The following GM2A variants were observed in gnomAD, a reference collection of about 807,000 sequenced individuals.
The protein encoded by GM2A is GM2 ganglioside activator.
GM2A carries 7 observed loss-of-function variants against 12.9 expected under a neutral mutation model. That is an observed-to-expected ratio of 0.54 (90% CI 0.31 to 1.02). The LOEUF is 1.02. Ranked by LOEUF, GM2A falls within the 50% of genes least tolerant of loss-of-function variation. The pLI is 0.05. For synonymous variants in GM2A, 101 were observed against 96.0 expected, an observed-to-expected ratio of 1.05 and a Z score of -0.30; for missense variants, 246 against 241.0, an observed-to-expected ratio of 1.02 and a Z score of -0.14.
At position 151,267,678 on chromosome 5, in the gene GM2A, A is replaced by G. The variant is rs989; in HGVS notation, c.*227A>G. 0.37 allele frequency: 543,729 copies of G among 1,476,880 alleles called. 103,124 individuals carry two copies. The highest frequency in any genetic ancestry group is 0.52 in the African/African-American group (37,568 of 71,708). 91.5% of individuals were successfully genotyped at this position (1,476,880 alleles called of 1,614,324 possible). On this transcript the variant is annotated 3_prime_UTR_variant, in exon 4 of 4. Coordinates refer to ENST00000357164, the MANE Select transcript of GM2A (RefSeq NM_000405.5). ...TGGACAGTTCTTGATAGCCCAGGGCATCTGCTGGGCTGACCACGTTACTCA... is the reference window on the plus strand; with the variant it reads ...TGGACAGTTCTTGATAGCCCAGGGCGTCTGCTGGGCTGACCACGTTACTCA...
chr5:151,268,219 A>G lies in GM2A; in HGVS notation c.*768A>G. ...TCACCAGGCTGGAGTGCAGTGGTGC[A>G]ATCTCACCTCACTGCAACCTCCGCC... On this transcript the variant is annotated 3_prime_UTR_variant, in exon 4 of 4. Transcript: ENST00000357164. 1 of 716,726 alleles carries G rather than the reference A, an allele frequency of 1.4e-6. No individual in the cohort carries two copies. Among genetic ancestry groups the G allele is most frequent in the South Asian group, 6.3e-5 (1 of 15,864 alleles). The allele number at this position is 716,726 out of a possible 1,614,324, so 44.4% of individuals were successfully genotyped here.
At position 151,270,107 on chromosome 5, in the gene GM2A, G is replaced by A; in HGVS notation, c.*2656G>A. The A allele has an allele frequency of 8.1e-7, 1 of 1,231,344 alleles. No individual in the cohort carries two copies. Among genetic ancestry groups the A allele is most frequent in the African/African-American group, 1.5e-5 (1 of 64,522 alleles). 76.3% of individuals were successfully genotyped at this position (1,231,344 alleles called of 1,614,324 possible). Reference sequence around the variant, plus strand: ...GTCATATGTTCCGTGAGGTTTCTTAGGGGTGGGGGATGAGGAGTTAAAGGT... The same window carrying A: ...GTCATATGTTCCGTGAGGTTTCTTAAGGGTGGGGGATGAGGAGTTAAAGGT... On this transcript the variant is annotated 3_prime_UTR_variant, in exon 4 of 4. Transcript: ENST00000357164.
chr5:151,265,824 C>T (rs902669301), intron 2 of GM2A, among the ~76,000 whole-genome samples: 6 of 152,188 alleles, frequency 3.9e-5, no homozygotes, highest in Admixed American at 2.0e-4. Context: ...GTAGCTTTCC[C>T]GGCTGAGTCA....
chr5:151,265,534 G>C (rs1582074082), intron 2 of GM2A, among the ~76,000 whole-genome samples: 1 of 152,250 alleles, frequency 6.6e-6, no homozygotes, highest in East Asian at 1.9e-4. Context: ...ATTTGAGAAA[G>C]CTAATTTCCT....
intron 1 of GM2A, among the ~76,000 whole-genome samples, chr5:151,255,411 C>A (rs1015104896): frequency 6.6e-6 from 1 of 152,180 alleles, no homozygotes; most frequent in Non-Finnish European, 1.5e-5. Flanking sequence ...AACCCTGATC[C>A]CCTCCCTTCT....
chr5:151,268,253 T>G lies in GM2A; in HGVS notation c.*802T>G, dbSNP rs558475439. 2.0e-6 allele frequency: 1 copy of G among 496,762 alleles called. No homozygotes were observed. 30.8% of individuals were successfully genotyped at this position (496,762 alleles called of 1,614,324 possible). A position where few individuals can be genotyped will look rare whatever the true frequency, so the allele number is the denominator to read the frequency against. ...TCACTGCAACCTCCGCCTCCTGGGT[T>G]CAAGCAATTCTCCTGCCTCAGCCTC... is the stretch of plus-strand genomic sequence containing the variant. On this transcript the variant is annotated 3_prime_UTR_variant, in exon 4 of 4. Coordinates refer to ENST00000357164, the MANE Select transcript of GM2A (RefSeq NM_000405.5).
Position 151,268,064 on chromosome 5 carries a change from T to C in GM2A, c.*613T>C. 1 of 999,318 alleles carries C rather than the reference T, an allele frequency of 1.0e-6. No individual in the cohort carries two copies. The highest frequency in any genetic ancestry group is 1.2e-6 in the Non-Finnish European group (1 of 837,712). The allele number at this position is 999,318 out of a possible 1,614,324, so 61.9% of individuals were successfully genotyped here. On this transcript the variant is annotated 3_prime_UTR_variant, in exon 4 of 4. Transcript: ENST00000357164. Reference sequence around the variant, plus strand: ...GAGATATTAGGAGTGCTCTGTTGTTTACAAACTCAGGTACCCGCAGGGCCT... The same window carrying C: ...GAGATATTAGGAGTGCTCTGTTGTTCACAAACTCAGGTACCCGCAGGGCCT...
At position 151,268,435 on chromosome 5, in the gene GM2A, A is replaced by G. The variant is rs866309305; in HGVS notation, c.*984A>G. 6.1e-5 allele frequency: 60 copies of G among 982,220 alleles called. No homozygotes were observed. The highest frequency in any genetic ancestry group is 5.2e-4 in the Middle Eastern group (1 of 1,932). 60.8% of individuals were successfully genotyped at this position (982,220 alleles called of 1,614,324 possible). On this transcript the variant is annotated 3_prime_UTR_variant, in exon 4 of 4. Coordinates refer to ENST00000357164, the MANE Select transcript of GM2A (RefSeq NM_000405.5). ...TGCAAAGCGCTGGATTACAGGCATG[A>G]GCCACTACACCCAGCCGATTTTTCC... is the stretch of plus-strand genomic sequence containing the variant.
chr5:151,259,816 T>A lies in GM2A; in HGVS notation c.143T>A (p.Ile48Asn). 2 of 1,613,818 alleles carry A rather than the reference T, an allele frequency of 1.2e-6. No individual in the cohort carries two copies. Among genetic ancestry groups the A allele is most frequent in the Non-Finnish European group, 1.7e-6 (2 of 1,179,686 alleles). ...GATGAAGGGAAGGACCCTGCGGTGA[T>A]CAGAAGCCTGACTCTGGAGCCTGAC... ...NCDEGKDPAV[I>N]RSLTLEPDPI... Residue 48 changes from isoleucine (I) to asparagine (N), a missense_variant, in exon 2 of 4, where the codon ATC becomes AAC. By Grantham distance (149) the Ile-to-Asn change is moderately radical. Transcript: ENST00000357164.
Position 151,267,741 on chromosome 5 carries a change from T to G in GM2A, c.*290T>G. On this transcript the variant is annotated 3_prime_UTR_variant, in exon 4 of 4. Coordinates refer to ENST00000357164, the MANE Select transcript of GM2A (RefSeq NM_000405.5). The stretch of plus-strand genomic sequence containing the variant: ...TTCTCTCTAAAGAGCCTCGTTCATT[T>G]CCAAAGCAGTTAAGGAATGGGAACC... 7.7e-7 allele frequency: 1 copy of G among 1,298,114 alleles called. No individual in the cohort carries two copies. The highest frequency in any genetic ancestry group is 9.9e-7 in the Non-Finnish European group (1 of 1,007,550). 80.4% of individuals were successfully genotyped at this position (1,298,114 alleles called of 1,614,324 possible). A position where few individuals can be genotyped will look rare whatever the true frequency, so the allele number is the denominator to read the frequency against.
At chr5:151,257,949 T>A (rs1352382478) in intron 1 of GM2A, among the ~76,000 whole-genome samples, 1 of 152,230 alleles carries the variant, frequency 6.6e-6, no homozygotes, top group African/African-American at 2.4e-5. Flanking sequence ...TGGGTGATAT[T>A]TATTTGCATT....
chr5:151,270,270 A>G lies in GM2A; in HGVS notation c.*2819A>G. On this transcript the variant is annotated 3_prime_UTR_variant, in exon 4 of 4. Coordinates refer to ENST00000357164, the MANE Select transcript of GM2A (RefSeq NM_000405.5). ...GAACTCCATCTGGATCCAGGATCCA[A>G]ATGTAAGAAAATGAAGCCATATAAA... 1 of 431,410 alleles carries G rather than the reference A, an allele frequency of 2.3e-6. No homozygotes were observed. The highest frequency in any genetic ancestry group is 3.5e-5 in the East Asian group (1 of 28,214). 26.7% of individuals were successfully genotyped at this position (431,410 alleles called of 1,614,324 possible). A position where few individuals can be genotyped will look rare whatever the true frequency, so the allele number is the denominator to read the frequency against.
rs551143331 is a variant in GM2A at position 151,256,474 on chromosome 5, G to A, written c.81+3177G>A. The stretch of plus-strand genomic sequence containing the variant: ...ACAAAAATTAGCCAGGCATGGTGGC[G>A]TACACCTGTAGTCCCAGCTACTTGG... On this transcript the variant is annotated intron_variant, in intron 1 of 3. Transcript: ENST00000357164. Among the ~76,000 whole-genome samples, 394 of 151,998 alleles carry A rather than the reference G, an allele frequency of 2.6e-3. 2 individuals are homozygous for A. Among genetic ancestry groups the A allele is most frequent in the Middle Eastern group, 0.017 (5 of 294 alleles).
rs552596465 is a variant in GM2A, at chr5:151,268,931, G to A, written c.*1480G>A. ...CCACAGGGCCAAAGCCATAGTGTCC[G>A]GTCCCAAGGACAAGGCTCTTCCAGT... On this transcript the variant is annotated 3_prime_UTR_variant, in exon 4 of 4. Transcript: ENST00000357164. 4.9e-5 allele frequency: 48 copies of A among 985,344 alleles called. No individual in the cohort carries two copies. The African/African-American group carries it at 7.0e-4, about 14-fold the overall frequency. 61.0% of individuals were successfully genotyped at this position (985,344 alleles called of 1,614,324 possible). A position where few individuals can be genotyped will look rare whatever the true frequency, so the allele number is the denominator to read the frequency against.
At chr5:151,265,180 T>A (rs930683168) in intron 2 of GM2A, among the ~76,000 whole-genome samples, 1 of 151,842 alleles carries the variant, frequency 6.6e-6, no homozygotes, top group African/African-American at 2.4e-5. Context: ...GTGGAGATAA[T>A]GGGTATGTCT....
intron 2 of GM2A, among the ~76,000 whole-genome samples, chr5:151,261,493 C>T (rs1028795020): frequency 6.6e-6 from 1 of 152,210 alleles, no homozygotes; most frequent in African/African-American, 2.4e-5. Flanking sequence ...GGCTGGAGTG[C>T]AGTAGCGCAA....
rs1325903804 is a variant in GM2A at position 151,268,589 on chromosome 5, T to G, written c.*1138T>G. On this transcript the variant is annotated 3_prime_UTR_variant, in exon 4 of 4. Transcript: ENST00000357164. The stretch of plus-strand genomic sequence containing the variant: ...AAATATAATTAAGGGTGGCAAGGAC[T>G]GGAGTCAGTTGGAGAGTGCATAGCC... The G allele has an allele frequency of 1.0e-6, 1 of 957,626 alleles. No homozygotes were observed. Among genetic ancestry groups the G allele is most frequent in the East Asian group, 1.2e-4 (1 of 8,666 alleles). 59.3% of individuals were successfully genotyped at this position (957,626 alleles called of 1,614,324 possible). A position where few individuals can be genotyped will look rare whatever the true frequency, so the allele number is the denominator to read the frequency against.
At chr5:151,257,403 G>T (rs1292727030) in intron 1 of GM2A, among the ~76,000 whole-genome samples, 1 of 152,046 alleles carries the variant, frequency 6.6e-6, no homozygotes, top group African/African-American at 2.4e-5. Flanking sequence ...TAGGTACTCT[G>T]GATACCCTAC....
chr5:151,265,356 C>CCAG (rs1554092866), intron 2 of GM2A, among the ~76,000 whole-genome samples: 1 of 152,132 alleles, frequency 6.6e-6, no homozygotes, highest in Non-Finnish European at 1.5e-5. Flanking sequence ...CAGCCTGAGC[C>CCAG]CAGCAGCCTC....
Sources: gnomAD v4.1 joint callset for allele counts (sites outside exome capture counted in the v4.1 genomes callset) on GRCh38, gnomAD v4.1.1 for gene constraint, MANE v1.5 for transcripts, NCBI Gene and HGNC (gene_info 2026-07-23, HGNC 2026-07-21) for gene names.